CD247: variants seen among roughly 807,000 people sequenced by gnomAD.
CD247 encodes T-cell surface glycoprotein CD3 zeta chain.
In CD247, 13 loss-of-function variants were observed where a neutral mutation model predicts 30.0. That is an observed-to-expected ratio of 0.43 (90% confidence interval 0.28 to 0.69). The LOEUF is 0.69. Among genes scored for constraint, CD247 ranks in the 30% least tolerant of loss-of-function variants. CD247 has a pLI of 0.16. For synonymous variants in CD247, 72 were observed against 80.0 expected, an observed-to-expected ratio of 0.90 and a Z score of 0.53; for missense variants, 193 against 212.6, an observed-to-expected ratio of 0.91 and a Z score of 0.57.
At chr1:167,468,455 G>A (rs1653365752) in intron 1 of CD247, among the ~76,000 whole-genome samples, 1 of 152,102 alleles carries the variant, frequency 6.6e-6, no homozygotes, top group Admixed American at 6.5e-5. Flanking sequence ...CATAGCTCAG[G>A]CCTCTCTGAT....
intron 1 of CD247, among the ~76,000 whole-genome samples, chr1:167,514,691 C>T (rs957832718): frequency 1.3e-5 from 2 of 151,866 alleles, no homozygotes; most frequent in African/African-American, 2.4e-5. Context: ...TAGCCTTGGC[C>T]GAAGCAGAGC....
chr1:167,454,957 C>G (rs944392148), intron 1 of CD247, among the ~76,000 whole-genome samples: 1 of 152,218 alleles, frequency 6.6e-6, no homozygotes, highest in Non-Finnish European at 1.5e-5. Flanking sequence ...GCAGCTTCCC[C>G]GGAAGAAACC....
intron 1 of CD247, among the ~76,000 whole-genome samples, chr1:167,471,629 G>A (rs190020821): frequency 3.3e-5 from 5 of 151,952 alleles, no homozygotes; most frequent in Admixed American, 6.6e-5. Context: ...AGAGATGGGG[G>A]TCTCATTCTG....
At chr1:167,445,208 G>A (rs999156476) in intron 1 of CD247, among the ~76,000 whole-genome samples, 1 of 152,160 alleles carries the variant, frequency 6.6e-6, no homozygotes, top group Non-Finnish European at 1.5e-5. Context: ...TTACAGGCAT[G>A]AGCCACCGTG....
At chr1:167,442,256 C>T (rs372657626) in intron 1 of CD247, among the ~76,000 whole-genome samples, 109 of 152,344 alleles carry the variant, frequency 7.2e-4, no homozygotes, top group African/African-American at 2.5e-3. Context: ...ACCCATCTCA[C>T]TCCACCCCTG....
chr1:167,468,655 C>T (rs929992280), intron 1 of CD247, among the ~76,000 whole-genome samples: 1 of 152,182 alleles, frequency 6.6e-6, no homozygotes, highest in Non-Finnish European at 1.5e-5. Context: ...CAGGCACTCA[C>T]CAGACACCTG....
chr1:167,493,037 CTTTTTTTTTTTTT>C (rs60850667), intron 1 of CD247, among the ~76,000 whole-genome samples: 1 of 80,366 alleles, frequency 1.2e-5, no homozygotes, highest in Non-Finnish European at 2.2e-5. Context: ...AATTTTTCTC[CTTTTTTTTTTTTT>C]TTTTTTTTTT....
intron 1 of CD247, among the ~76,000 whole-genome samples, chr1:167,499,698 T>G (rs704854): frequency 0.028 from 4,196 of 152,240 alleles, 85 homozygotes; most frequent in Non-Finnish European, 0.037. Flanking sequence ...CTCACCCCAC[T>G]CCTCCAGGCC....
At chr1:167,433,112 A>G (rs1261799349) in intron 6 of CD247, 53 bp from the exon 7 acceptor site, 1 of 1,596,322 alleles carries the variant, frequency 6.3e-7, no homozygotes, top group Non-Finnish European at 8.6e-7. Context: ...GGCAGTCAGT[A>G]GTGGCATTTC....
chr1:167,446,731 C>G (rs1571523133), intron 1 of CD247, among the ~76,000 whole-genome samples: 1 of 152,190 alleles, frequency 6.6e-6, no homozygotes, highest in Non-Finnish European at 1.5e-5. Flanking sequence ...CGGTGGCTCA[C>G]GCCTATAATC....
intron 1 of CD247, among the ~76,000 whole-genome samples, chr1:167,454,330 C>T (rs1379547438): frequency 6.6e-6 from 1 of 152,168 alleles, no homozygotes; most frequent in African/African-American, 2.4e-5. Context: ...TTCCACCTTA[C>T]ACCTTTTTGT....
intron 1 of CD247, among the ~76,000 whole-genome samples, chr1:167,488,633 C>A (rs1654313239): frequency 6.6e-6 from 1 of 152,160 alleles, no homozygotes; most frequent in South Asian, 2.1e-4. Context: ...GGGCAGAGTT[C>A]TTTGCTAAAC....
At chr1:167,439,231 G>C in intron 3 of CD247, 113 bp downstream of exon 3, 1 of 916,772 alleles carries the variant, frequency 1.1e-6, no homozygotes, top group Non-Finnish European at 1.8e-6. Context: ...CCGGGTCGCA[G>C]AGGTGATAGC....
chr1:167,451,441 A>G (rs1017050383), intron 1 of CD247, among the ~76,000 whole-genome samples: 1 of 152,198 alleles, frequency 6.6e-6, no homozygotes, highest in African/African-American at 2.4e-5. Flanking sequence ...AATCCAGGCT[A>G]TACTGCCAGC....
intron 1 of CD247, among the ~76,000 whole-genome samples, chr1:167,442,176 A>C (rs572488870): frequency 2.0e-5 from 3 of 152,372 alleles, no homozygotes; most frequent in African/African-American, 7.2e-5. Context: ...GAGGAGACTC[A>C]GATTTTAGTC....
Position 167,431,541 on chromosome 1 carries a change from A to G in CD247, c.*140T>C. On this transcript the variant is annotated 3_prime_UTR_variant, in exon 8 of 8. Transcript: ENST00000362089. ...TCTGTGTGTGAAGGTTTGGAGCTAA[A>G]TATAACCAAAGCATCCTGTACATAA... 1.2e-6 allele frequency: 1 copy of G among 803,896 alleles called. No homozygotes were observed. The highest frequency in any genetic ancestry group is 2.2e-6 in the Non-Finnish European group (1 of 448,126). 49.8% of individuals were successfully genotyped at this position (803,896 alleles called of 1,614,324 possible). A position where few individuals can be genotyped will look rare whatever the true frequency, so the allele number is the denominator to read the frequency against.
chr1:167,488,699 T>C (rs189705641), intron 1 of CD247, among the ~76,000 whole-genome samples: 1 of 152,252 alleles, frequency 6.6e-6, no homozygotes, highest in African/African-American at 2.4e-5. Flanking sequence ...GGAAGCCTGA[T>C]TAAGTTTTTG....
chr1:167,505,073 C>T (rs1193985138), intron 1 of CD247, among the ~76,000 whole-genome samples: 1 of 152,202 alleles, frequency 6.6e-6, no homozygotes, highest in Non-Finnish European at 1.5e-5. Context: ...TTGCACAAAA[C>T]CTTCCAAGGG....
At chr1:167,443,757 G>A (rs1365789784) in intron 1 of CD247, among the ~76,000 whole-genome samples, 3 of 151,974 alleles carry the variant, frequency 2.0e-5, no homozygotes, top group Non-Finnish European at 1.5e-5. Flanking sequence ...CTTTCTTTCT[G>A]CATAGTTTTA....
Sources: allele counts gnomAD v4.1 joint callset (sites outside exome capture counted in the v4.1 genomes callset), GRCh38; gene constraint gnomAD v4.1.1; transcripts MANE v1.5; gene names NCBI Gene and HGNC (gene_info 2026-07-23, HGNC 2026-07-21).